Variants in GABBR2 observed in about 807,000 individuals in gnomAD.
The protein encoded by GABBR2 is G-protein coupled receptor 51.
Under a neutral mutation model 105.6 loss-of-function variants are expected in GABBR2, and 23 were observed. The observed-to-expected ratio is 0.22, with a 90% CI of 0.16 to 0.31. The LOEUF is 0.31. Ranked by LOEUF, GABBR2 falls within the 10% of genes least tolerant of loss-of-function variation. GABBR2 has a pLI of 1.00. For missense variants in GABBR2, 734 were observed against 1,245.5 expected (o/e 0.59, Z 6.18); for synonymous variants, 478 against 499.7 (o/e 0.96, Z 0.58).
chr9:98,393,944 G>A (rs1037435714), intron 9 of GABBR2, among the ~76,000 whole-genome samples: 1 of 152,226 alleles, frequency 6.6e-6, no homozygotes, highest in East Asian at 1.9e-4. Flanking sequence ...GCCATCCAAT[G>A]GTTTAAACAC....
chr9:98,423,787 G>T (rs1259640728), intron 7 of GABBR2, among the ~76,000 whole-genome samples: 10 of 152,150 alleles, frequency 6.6e-5, no homozygotes, highest in African/African-American at 2.4e-4. Context: ...TTTGTATAAG[G>T]TGTAAGGAAG....
intron 9 of GABBR2, among the ~76,000 whole-genome samples, chr9:98,391,136 A>G (rs1832173255): frequency 6.6e-6 from 1 of 152,174 alleles, no homozygotes; most frequent in Admixed American, 6.5e-5. Flanking sequence ...CAGGCCTGAG[A>G]CTGAGCACCA....
chr9:98,554,303 T>C (rs1455136607), intron 2 of GABBR2, among the ~76,000 whole-genome samples: 2 of 151,740 alleles, frequency 1.3e-5, no homozygotes, highest in Non-Finnish European at 2.9e-5. Flanking sequence ...AAGGGTGCAG[T>C]GAGCCAGGAT....
chr9:98,523,912 G>A (rs1436106455), intron 3 of GABBR2, among the ~76,000 whole-genome samples: 1 of 151,966 alleles, frequency 6.6e-6, no homozygotes, highest in East Asian at 1.9e-4. Context: ...CTTTCCCACA[G>A]AATTTAAGAT....
rs557408721 is a variant in GABBR2, at chr9:98,706,435, G to A, written c.321+1982C>T. 3.3e-5 allele frequency among the ~76,000 whole-genome samples: 5 copies of A among 152,326 alleles called. No individual in the cohort carries two copies. In the South Asian group the frequency reaches 1.0e-3, roughly 32 times the overall value. On this transcript the variant is annotated intron_variant, in intron 1 of 18. Transcript: ENST00000259455. ...AGAGACACTTCTCTGTTTGCACGAAGCTAAAATTATCTTCTGTCTTCCTTC... is the reference window on the plus strand; with the variant it reads ...AGAGACACTTCTCTGTTTGCACGAAACTAAAATTATCTTCTGTCTTCCTTC...
chr9:98,533,412 T>A (rs1028357738), intron 3 of GABBR2, among the ~76,000 whole-genome samples: 1 of 152,140 alleles, frequency 6.6e-6, no homozygotes, highest in African/African-American at 2.4e-5. Flanking sequence ...ATGCTGGGGC[T>A]GGGGTTTCTC....
chr9:98,467,845 G>C (rs1271211464), intron 6 of GABBR2, among the ~76,000 whole-genome samples: 1 of 152,250 alleles, frequency 6.6e-6, no homozygotes, highest in Non-Finnish European at 1.5e-5. Context: ...CTCAGCAGGG[G>C]CACAATAACA....
At chr9:98,492,784 C>A (rs2079835224) in intron 4 of GABBR2, among the ~76,000 whole-genome samples, 1 of 152,144 alleles carries the variant, frequency 6.6e-6, no homozygotes, top group Non-Finnish European at 1.5e-5. Context: ...GGGAAGAAGA[C>A]CACAGAGGTA....
chr9:98,701,663 TGCCA>T (rs1209325496), intron 1 of GABBR2, among the ~76,000 whole-genome samples: 1 of 152,074 alleles, frequency 6.6e-6, no homozygotes, highest in Non-Finnish European at 1.5e-5. Context: ...CCTCAAGAGC[TGCCA>T]GCCAGCAGGG....
At chr9:98,436,852 C>T (rs1356543357) in intron 7 of GABBR2, among the ~76,000 whole-genome samples, 1 of 152,126 alleles carries the variant, frequency 6.6e-6, no homozygotes, top group Non-Finnish European at 1.5e-5. Flanking sequence ...ATCCTATGAA[C>T]ATCAGAACTG....
intron 1 of GABBR2, among the ~76,000 whole-genome samples, chr9:98,602,474 ATG>A (rs1829354676): frequency 6.7e-6 from 1 of 150,134 alleles, no homozygotes; most frequent in Non-Finnish European, 1.5e-5. Context: ...AAAAAAAAAA[ATG>A]GTAAATGTCT....
At chr9:98,482,536 A>T (rs2131645132) in intron 4 of GABBR2, among the ~76,000 whole-genome samples, 1 of 152,276 alleles carries the variant, frequency 6.6e-6, no homozygotes, top group Non-Finnish European at 1.5e-5. Context: ...TTTGCTGCTG[A>T]CAGTACCCAT....
rs745457380 is a variant in GABBR2, at chr9:98,288,648, A to C, written c.*1936T>G. The C allele has an allele frequency of 2.6e-5, 4 of 152,770 alleles. No individual in the cohort carries two copies. The highest frequency in any genetic ancestry group is 5.9e-5 in the Non-Finnish European group (4 of 68,034). 9.5% of individuals were successfully genotyped at this position (152,770 alleles called of 1,614,324 possible). A position where few individuals can be genotyped will look rare whatever the true frequency, so the allele number is the denominator to read the frequency against. On this transcript the variant is annotated 3_prime_UTR_variant, in exon 19 of 19. Coordinates refer to ENST00000259455, the MANE Select transcript of GABBR2 (RefSeq NM_005458.8). ...TGGTTTTGGTGAAATCAAGAAAGCA[A>C]GTAAATACTGGTAATACACAGTGAG... is the stretch of plus-strand genomic sequence containing the variant.
chr9:98,477,063 A>C (rs1251681060), intron 5 of GABBR2, among the ~76,000 whole-genome samples: 2 of 152,072 alleles, frequency 1.3e-5, no homozygotes, highest in Admixed American at 1.3e-4. Context: ...TTAACTAGGC[A>C]CTGGTATGCT....
intron 3 of GABBR2, among the ~76,000 whole-genome samples, chr9:98,515,521 T>C (rs1161302820): frequency 2.0e-5 from 3 of 152,160 alleles, no homozygotes; most frequent in African/African-American, 7.2e-5. Flanking sequence ...GCCCCTAGCA[T>C]TTGCAAACCC....
chr9:98,436,396 T>C (rs778031464), intron 7 of GABBR2, among the ~76,000 whole-genome samples: 2 of 54,752 alleles, frequency 3.7e-5, no homozygotes, highest in Admixed American at 4.7e-4. Flanking sequence ...TATATATATA[T>C]ATATATATAT....
intron 4 of GABBR2, among the ~76,000 whole-genome samples, chr9:98,487,024 G>A (rs932399500): frequency 2.0e-5 from 3 of 152,224 alleles, no homozygotes; most frequent in Non-Finnish European, 2.9e-5. Flanking sequence ...CTCAAGGAAG[G>A]GAGCGAAGAG....
At chr9:98,614,445 A>G (rs1466259157) in intron 1 of GABBR2, among the ~76,000 whole-genome samples, 2 of 152,042 alleles carry the variant, frequency 1.3e-5, no homozygotes, top group East Asian at 3.9e-4. Flanking sequence ...GAATTGCTTG[A>G]CCCTGGGAGG....
intron 1 of GABBR2, among the ~76,000 whole-genome samples, chr9:98,706,100 C>CAAAAAAAAAAAAAAAA (rs1261779483): frequency 3.2e-5 from 1 of 31,268 alleles, no homozygotes; most frequent in African/African-American, 9.4e-5. Context: ...CAAAACAAAA[C>CAAAAAAAAAAAAAAAA]AAAAAAAACA....
Sources: allele counts gnomAD v4.1 joint callset (sites outside exome capture counted in the v4.1 genomes callset), GRCh38; gene constraint gnomAD v4.1.1; transcripts MANE v1.5; gene names NCBI Gene and HGNC (gene_info 2026-07-23, HGNC 2026-07-21).